Variants in SGIP1 observed in about 807,000 individuals in gnomAD.
SGIP1 encodes SH3GL interacting endocytic adaptor 1, also known as SH3-containing GRB2-like protein 3-interacting protein 1.
In SGIP1, 38 loss-of-function variants were observed where a neutral mutation model predicts 107.5. The ratio of observed to expected loss-of-function variants is 0.35; its 90% CI spans 0.27 to 0.46. SGIP1 has a LOEUF of 0.46. Among genes scored for constraint, SGIP1 ranks in the 20% least tolerant of loss-of-function variants. SGIP1 has a pLI of 1.00. For missense variants in SGIP1, 929 were observed against 1,019.5 expected, an observed-to-expected ratio of 0.91 and a Z score of 1.21; for synonymous variants, 365 against 366.1, an observed-to-expected ratio of 1.00 and a Z score of 0.03.
chr1:66,713,409 G>A (rs2093038925), intron 18 of SGIP1, among the ~76,000 whole-genome samples: 2 of 152,192 alleles, frequency 1.3e-5, no homozygotes, highest in East Asian at 1.9e-4. Context: ...CTTTGGGCTA[G>A]AGATAATGAT....
intron 24 of SGIP1, 120 bp downstream of exon 24, chr1:66,741,556 A>G: frequency 9.4e-7 from 1 of 1,062,062 alleles, no homozygotes; most frequent in Non-Finnish European, 1.3e-6. Context: ...CCCAACCCCC[A>G]TCCCAATTAG....
intron 10 of SGIP1, 82 bp from the exon 11 acceptor site, chr1:66,671,862 A>G: frequency 2.3e-6 from 3 of 1,329,636 alleles, no homozygotes; most frequent in Non-Finnish European, 3.2e-6. Context: ...TTAAATCTCT[A>G]AGTGTTTCCA....
chr1:66,559,952 G>T (rs2058698311), intron 1 of SGIP1, among the ~76,000 whole-genome samples: 1 of 151,960 alleles, frequency 6.6e-6, no homozygotes, highest in Non-Finnish European at 1.5e-5. Context: ...TCTAAATTAG[G>T]CTGGAAAGAG....
chr1:66,613,217 A>G (rs1302808227), intron 1 of SGIP1, among the ~76,000 whole-genome samples: 1 of 152,180 alleles, frequency 6.6e-6, no homozygotes, highest in Admixed American at 6.5e-5. Flanking sequence ...TAGGTAATAG[A>G]CATTGCTGAT....
At chr1:66,691,086 G>T (rs977641236) in intron 17 of SGIP1, among the ~76,000 whole-genome samples, 1 of 151,982 alleles carries the variant, frequency 6.6e-6, no homozygotes, top group African/African-American at 2.4e-5. Flanking sequence ...TTTTTGCATG[G>T]TGTCTCCCAC....
intron 4 of SGIP1, among the ~76,000 whole-genome samples, chr1:66,639,500 G>A (rs2076388756): frequency 6.6e-6 from 1 of 152,170 alleles, no homozygotes; most frequent in Non-Finnish European, 1.5e-5. Flanking sequence ...TTCAGTAATT[G>A]AATAAAATTT....
chr1:66,639,201 A>G (rs1369425965), intron 4 of SGIP1, among the ~76,000 whole-genome samples: 1 of 152,234 alleles, frequency 6.6e-6, no homozygotes, highest in Non-Finnish European at 1.5e-5. Flanking sequence ...AAATTTGATA[A>G]GAAAAGCCAT....
chr1:66,708,153 A>G (rs1321063645), intron 18 of SGIP1, among the ~76,000 whole-genome samples: 3 of 152,182 alleles, frequency 2.0e-5, no homozygotes, highest in Non-Finnish European at 4.4e-5. Context: ...CCTACTTACT[A>G]TAGAGCAAAT....
intron 1 of SGIP1, among the ~76,000 whole-genome samples, chr1:66,572,430 C>A (rs897351136): frequency 9.9e-5 from 15 of 151,984 alleles, no homozygotes; most frequent in African/African-American, 3.6e-4. Context: ...TTTCCCGACC[C>A]AGCAATACCT....
At chr1:66,546,409 C>T (rs1375527770) in intron 1 of SGIP1, among the ~76,000 whole-genome samples, 2 of 152,164 alleles carry the variant, frequency 1.3e-5, no homozygotes, top group Non-Finnish European at 2.9e-5. Context: ...ATTAAATTCC[C>T]AAATAATCTC....
chr1:66,548,765 A>AT (rs1449163989), intron 1 of SGIP1, among the ~76,000 whole-genome samples: 1 of 152,096 alleles, frequency 6.6e-6, no homozygotes, highest in Non-Finnish European at 1.5e-5. Flanking sequence ...CCATTAAAAG[A>AT]TTTTGTGTCC....
intron 7 of SGIP1, among the ~76,000 whole-genome samples, chr1:66,656,616 T>C (rs1289103827): frequency 6.6e-6 from 1 of 152,174 alleles, no homozygotes; most frequent in Non-Finnish European, 1.5e-5. Context: ...AGCATCCATA[T>C]ACAATGCATG....
At chr1:66,596,743 C>T (rs1431301849) in intron 1 of SGIP1, among the ~76,000 whole-genome samples, 4 of 151,698 alleles carry the variant, frequency 2.6e-5, no homozygotes, top group Admixed American at 1.3e-4. Context: ...GATGTTAACA[C>T]TGGAATAGGA....
chr1:66,690,830 T>C (rs2089667285), intron 17 of SGIP1, among the ~76,000 whole-genome samples: 1 of 152,188 alleles, frequency 6.6e-6, no homozygotes, highest in African/African-American at 2.4e-5. Context: ...TTTTTTCTAG[T>C]GCTTTTCAGT....
At chr1:66,738,156 A>G (rs1174950677) in intron 21 of SGIP1, among the ~76,000 whole-genome samples, 1 of 152,214 alleles carries the variant, frequency 6.6e-6, no homozygotes, top group African/African-American at 2.4e-5. Context: ...TTTAAAAACT[A>G]TAATGATTAA....
intron 3 of SGIP1, chr1:66,634,302 C>T (rs763913746): frequency 1.9e-5 from 13 of 670,152 alleles, no homozygotes; most frequent in Admixed American, 2.6e-5. Context: ...ATTGCTATTC[C>T]TTGCTTCTCT....
Position 66,681,956 on chromosome 1 carries a change from C to T in SGIP1, c.902C>T (p.Pro301Leu). The T allele has an allele frequency of 6.2e-7, 1 of 1,614,190 alleles. No homozygotes were observed. Among genetic ancestry groups the T allele is most frequent in the Non-Finnish European group, 8.5e-7 (1 of 1,180,038 alleles). Residue 301 changes from proline to leucine, a missense_variant, in exon 15 of 25, where the codon CCC (proline) becomes CTC (leucine). Coordinates refer to ENST00000371037, the MANE Select transcript of SGIP1 (RefSeq NM_032291.4). ...LDSIFGPVLS[P>L]KSVAVNAEEK... ...AGCATTTTTGGGCCAGTATTGTCCC[C>T]CAAGTCTGTTGCTGTTAATGCTGAA... is the stretch of plus-strand genomic sequence containing the variant.
In SGIP1 at chr1:66,747,564, T is replaced by A. The variant is rs1201588533; in HGVS notation, c.*4469T>A. On this transcript the variant is annotated 3_prime_UTR_variant, in exon 25 of 25. Coordinates refer to ENST00000371037, the MANE Select transcript of SGIP1 (RefSeq NM_032291.4). ...AGCTGTTATTTATTCAAATACAAAATCCTAATCAATGTTTCCTTCTTTGCA... is the reference window on the plus strand; with the variant it reads ...AGCTGTTATTTATTCAAATACAAAAACCTAATCAATGTTTCCTTCTTTGCA... The A allele has an allele frequency of 6.6e-6, 1 of 152,012 alleles. No individual in the cohort carries two copies. The highest frequency in any genetic ancestry group is 2.4e-5 in the African/African-American group (1 of 41,436). The allele number at this position is 152,012 out of a possible 1,614,324, so 9.4% of individuals were successfully genotyped here. A position where few individuals can be genotyped will look rare whatever the true frequency, so the allele number is the denominator to read the frequency against.
chr1:66,562,989 C>G (rs1216300450), intron 1 of SGIP1, among the ~76,000 whole-genome samples: 1 of 151,846 alleles, frequency 6.6e-6, no homozygotes, highest in Admixed American at 6.6e-5. Context: ...TTGTTAAAAT[C>G]TATTACTCAC....
Sources: allele counts gnomAD v4.1 joint callset (sites outside exome capture counted in the v4.1 genomes callset), GRCh38; gene constraint gnomAD v4.1.1; transcripts MANE v1.5; gene names NCBI Gene and HGNC (gene_info 2026-07-23, HGNC 2026-07-21).